Variants in ARCN1 observed in about 807,000 individuals in gnomAD.
The protein encoded by ARCN1 is coatomer subunit delta.
Under a neutral mutation model 60.4 loss-of-function variants are expected in ARCN1, and 5 were observed. The ratio of observed to expected loss-of-function variants is 0.08; its 90% confidence interval spans 0.04 to 0.17. The LOEUF (loss-of-function observed/expected upper bound fraction) is 0.17, where lower values mean the gene tolerates loss of function less well. ARCN1 is among the 10% of genes least tolerant of loss of function. The probability of loss-of-function intolerance (pLI) is 1.00; values close to 1 mark genes in which losing one functional copy is unlikely to be tolerated. For missense variants in ARCN1, 464 were observed against 626.5 expected, an observed-to-expected ratio of 0.74 and a Z score of 2.77; for synonymous variants, 224 against 220.0, an observed-to-expected ratio of 1.02 and a Z score of -0.16.
chr11:118,597,628 T>C lies in ARCN1; in HGVS notation c.1242-79T>C, dbSNP rs143338828. The C allele has an allele frequency of 2.4e-3, 3,614 of 1,512,368 alleles. 35 individuals are homozygous for C. The highest frequency in any genetic ancestry group is 0.023 in the African/African-American group (1,713 of 72,938). The allele number at this position is 1,512,368 out of a possible 1,614,324, so 93.7% of individuals were successfully genotyped here. On this transcript the variant is annotated intron_variant, in intron 8 of 9. Transcript: ENST00000264028. Reference sequence around the variant, plus strand: ...TAGAAGGCAAAATTTGGGGATCATATATCAAATTTGGGGTTGGTTTTCCGT... The same window carrying C: ...TAGAAGGCAAAATTTGGGGATCATACATCAAATTTGGGGTTGGTTTTCCGT...
At chr11:118,598,230 G>T (rs904283364) in intron 9 of ARCN1, among the ~76,000 whole-genome samples, 1 of 151,444 alleles carries the variant, frequency 6.6e-6, no homozygotes, top group Admixed American at 6.6e-5. Flanking sequence ...TTTTAAAGTC[G>T]ATTTGCCAAA....
At position 118,583,907 on chromosome 11, in the gene ARCN1, A is replaced by C; in HGVS notation, c.546A>C (p.Gly182=). ...DAERQGKKAP[G]FGGFGSSAVS... The stretch of plus-strand genomic sequence containing the variant: ...AGAGACAGGGCAAAAAAGCACCAGG[A>C]TTTGGCGGATTTGGCAGCTCTGCAG... The change falls in exon 4 of 10, where the codon GGA becomes GGC. Residue 182 remains glycine, a synonymous_variant. Coordinates refer to ENST00000264028, the MANE Select transcript of ARCN1 (RefSeq NM_001655.5). The C allele has an allele frequency of 6.2e-7, 1 of 1,614,246 alleles. No homozygotes were observed. The highest frequency in any genetic ancestry group is 1.1e-5 in the South Asian group (1 of 91,090).
chr11:118,576,399 G>T (rs1591380086), intron 1 of ARCN1, among the ~76,000 whole-genome samples: 2 of 103,470 alleles, frequency 1.9e-5, no homozygotes, highest in Admixed American at 1.5e-4. Flanking sequence ...GTTCCTTTTA[G>T]ATCTGGAATG....
intron 1 of ARCN1, among the ~76,000 whole-genome samples, chr11:118,577,498 C>G (rs1354252001): frequency 4.6e-5 from 7 of 152,106 alleles, no homozygotes; most frequent in Non-Finnish European, 7.4e-5. Flanking sequence ...TCTGCCTGCC[C>G]TGGCTCCCAA....
At chr11:118,599,936 C>G (rs1328106597) in intron 9 of ARCN1, among the ~76,000 whole-genome samples, 2 of 152,210 alleles carry the variant, frequency 1.3e-5, no homozygotes, top group Admixed American at 1.3e-4. Context: ...TGACATAACC[C>G]CATCAGTGTT....
chr11:118,580,020 A>G (rs1938615898), intron 1 of ARCN1, among the ~76,000 whole-genome samples: 1 of 152,158 alleles, frequency 6.6e-6, no homozygotes, highest in Admixed American at 6.6e-5. Flanking sequence ...CTGATATTCA[A>G]CACATGAAAT....
At chr11:118,584,049 G>T (rs1215810612) in intron 4 of ARCN1, 35 bp downstream of exon 4, 8 of 1,576,404 alleles carry the variant, frequency 5.1e-6, no homozygotes, top group Non-Finnish European at 6.9e-6. Context: ...ACCAGGTGAA[G>T]GGTGTATATG....
intron 1 of ARCN1, among the ~76,000 whole-genome samples, chr11:118,579,152 CA>C (rs1938593170): frequency 6.6e-6 from 1 of 151,902 alleles, no homozygotes; most frequent in Non-Finnish European, 1.5e-5. Flanking sequence ...GAAGGTCAGG[CA>C]GATAGTAAAT....
At chr11:118,572,813 C>T (rs1391849413) in intron 1 of ARCN1, 2 of 441,604 alleles carry the variant, frequency 4.5e-6, no homozygotes, top group Non-Finnish European at 8.1e-6. Context: ...GGGACCTGCC[C>T]CTGAGACGGC....
intron 2 of ARCN1, 86 bp from the exon 3 acceptor site, chr11:118,583,093 A>G: frequency 6.9e-7 from 1 of 1,451,954 alleles, no homozygotes; most frequent in Non-Finnish European, 9.5e-7. Context: ...AGGTTATTGA[A>G]ATTTATGTAC....
rs192420519 is a variant in ARCN1, at chr11:118,585,952, T to C, written c.818+1308T>C. Among the ~76,000 whole-genome samples the C allele has an allele frequency of 9.6e-4, 146 of 152,336 alleles. 1 individual carries two copies. In the Middle Eastern group the frequency reaches 0.014, roughly 14 times the overall value. Reference sequence around the variant, plus strand: ...TTAAGTGGTAGTTATCAAGTTCACATATTCGTGACTCAGATTTCTCGTCTT... The same window carrying C: ...TTAAGTGGTAGTTATCAAGTTCACACATTCGTGACTCAGATTTCTCGTCTT... On this transcript the variant is annotated intron_variant, in intron 5 of 9. Transcript: ENST00000264028.
At chr11:118,578,261 T>A (rs1938570088) in intron 1 of ARCN1, among the ~76,000 whole-genome samples, 1 of 152,066 alleles carries the variant, frequency 6.6e-6, no homozygotes, top group Non-Finnish European at 1.5e-5. Context: ...CCTCTCAAGT[T>A]GCTTTTGATG....
At chr11:118,593,510 G>A (rs1010225214) in intron 7 of ARCN1, 80 bp from the exon 8 acceptor site, 30 of 937,156 alleles carry the variant, frequency 3.2e-5, no homozygotes, top group East Asian at 5.2e-5. Context: ...CCTCTAAAGC[G>A]CTGGGGTTAC....
intron 1 of ARCN1, among the ~76,000 whole-genome samples, chr11:118,576,665 C>T (rs1435928634): frequency 6.6e-6 from 1 of 152,006 alleles, no homozygotes; most frequent in East Asian, 1.9e-4. Flanking sequence ...TAGAGGTGAC[C>T]ATACCTTCTA....
Position 118,581,234 on chromosome 11 carries a change from T to C in ARCN1, c.4-12T>C. 1.9e-6 allele frequency: 3 copies of C among 1,613,636 alleles called. No individual in the cohort carries two copies. The highest frequency in any genetic ancestry group is 2.5e-6 in the Non-Finnish European group (3 of 1,179,516). ...AATAATTAGTACTTACTTATGCATA[T>C]GTTCCTGGCAGGTGCTGTTGGCAGC... On this transcript the variant is annotated splice_polypyrimidine_tract_variant and intron_variant, in intron 1 of 9. Coordinates refer to ENST00000264028, the MANE Select transcript of ARCN1 (RefSeq NM_001655.5).
At chr11:118,574,878 C>T (rs931253898) in intron 1 of ARCN1, among the ~76,000 whole-genome samples, 11 of 152,144 alleles carry the variant, frequency 7.2e-5, no homozygotes, top group African/African-American at 1.9e-4. Context: ...GCAATCCTCC[C>T]GCCTCCATAT....
chr11:118,584,289 A>T (rs1555075138), intron 4 of ARCN1, among the ~76,000 whole-genome samples, 191 bp from the exon 5 acceptor site: 1 of 152,182 alleles, frequency 6.6e-6, no homozygotes, highest in East Asian at 1.9e-4. Flanking sequence ...TTAATGCTTT[A>T]TGGAATGTAG....
chr11:118,581,162 C>T, intron 1 of ARCN1, 84 bp from the exon 2 acceptor site: 1 of 1,517,696 alleles, frequency 6.6e-7, no homozygotes, highest in Non-Finnish European at 9.0e-7. Flanking sequence ...ATAAATATGT[C>T]ATTCTATGGA....
chr11:118,573,303 G>T (rs145943599), intron 1 of ARCN1, among the ~76,000 whole-genome samples: 1 of 152,178 alleles, frequency 6.6e-6, no homozygotes, highest in Non-Finnish European at 1.5e-5. Flanking sequence ...GTGGCATGTC[G>T]TAGTCAGATG....
Sources: allele counts gnomAD v4.1 joint callset (sites outside exome capture counted in the v4.1 genomes callset), GRCh38; gene constraint gnomAD v4.1.1; transcripts MANE v1.5; gene names NCBI Gene and HGNC (gene_info 2026-07-23, HGNC 2026-07-21).